Variants in CES5A observed in about 807,000 individuals in gnomAD.
CES5A encodes carboxylesterase 5A.
A neutral mutation model predicts 62.9 loss-of-function variants in CES5A; 67 were observed. That is an observed-to-expected ratio of 1.07 (90% CI 0.88 to 1.31). CES5A has a LOEUF of 1.31. Among genes scored for constraint, CES5A ranks in the 50% most tolerant of loss-of-function variants. The pLI is 0.00. For synonymous variants in CES5A, 296 were observed against 280.8 expected (o/e 1.05, Z -0.54); for missense variants, 748 against 708.5 (o/e 1.06, Z -0.63).
intron 2 of CES5A, among the ~76,000 whole-genome samples, chr16:55,872,914 C>T (rs536878905): frequency 6.6e-6 from 1 of 152,272 alleles, no homozygotes; most frequent in South Asian, 2.1e-4. Context: ...TGCGGCGTCC[C>T]CAAGCTTAAT....
intron 1 of CES5A, among the ~76,000 whole-genome samples, chr16:55,899,930 A>T (rs577430306): frequency 6.6e-5 from 10 of 152,330 alleles, no homozygotes; most frequent in African/African-American, 2.4e-4. Context: ...GTTTCAATAG[A>T]TTTCAACTAA....
At chr16:55,889,368 C>T (rs1415802435) in intron 1 of CES5A, among the ~76,000 whole-genome samples, 2 of 152,176 alleles carry the variant, frequency 1.3e-5, no homozygotes, top group Non-Finnish European at 1.5e-5. Flanking sequence ...ATGCCAGTTG[C>T]AAGTAGTAGG....
At chr16:55,883,968 A>G (rs2033787621) in intron 1 of CES5A, among the ~76,000 whole-genome samples, 1 of 152,214 alleles carries the variant, frequency 6.6e-6, no homozygotes, top group African/African-American at 2.4e-5. Flanking sequence ...GGTCATGGTG[A>G]CACTTTAGGT....
rs1190938220 is a variant in CES5A, at chr16:55,865,992, A to G, written c.676T>C (p.Ser226Pro). 2.5e-6 allele frequency: 4 copies of G among 1,613,948 alleles called. No individual in the cohort carries two copies. In the African/African-American group the frequency reaches 5.3e-5, roughly 22 times the overall value. Residue 226 changes from serine to proline, a missense_variant, in exon 5 of 13, where the codon TCC (serine) becomes CCC (proline). Physicochemically the swap from Ser to Pro is moderately conservative, Grantham distance 74. Coordinates refer to ENST00000290567, the MANE Select transcript of CES5A (RefSeq NM_001143685.2). ...CTAGAAACACTTATGGCTCCCGCGG[A>G]CTCGCCAAAGATGGTCACAGAGCTG... ...DPSSVTIFGE[S>P]AGAISVSSLI...
In CES5A at chr16:55,939,563, TA is replaced by T. The variant is rs1227573668; in HGVS notation, c.160+10221del. Among the ~76,000 whole-genome samples the T allele has an allele frequency of 2.0e-5, 3 of 152,084 alleles. No individual in the cohort carries two copies. In the East Asian group the frequency reaches 5.8e-4, roughly 29 times the overall value. On this transcript the variant is annotated intron_variant, in intron 2 of 13. Coordinates refer to the CES5A transcript ENST00000521992. ...TGACACCCTGATGTGGTCATTAACA[TA>T]AATAGAGAGCTCTAGGAGACACTGT... is the stretch of plus-strand genomic sequence containing the variant.
intron 1 of CES5A, among the ~76,000 whole-genome samples, chr16:55,890,573 A>G (rs1190417098): frequency 1.3e-5 from 2 of 152,202 alleles, no homozygotes; most frequent in African/African-American, 4.8e-5. Flanking sequence ...ACCTTATGAA[A>G]AAATAAAAAT....
intron 1 of CES5A, among the ~76,000 whole-genome samples, chr16:55,951,715 T>C (rs1324649397): frequency 6.6e-6 from 1 of 152,214 alleles, no homozygotes; most frequent in Non-Finnish European, 1.5e-5. Context: ...GGAGTATCCA[T>C]GTTGATAAAA....
At chr16:55,894,936 G>A (rs1401819448) in intron 1 of CES5A, among the ~76,000 whole-genome samples, 1 of 152,162 alleles carries the variant, frequency 6.6e-6, no homozygotes, top group East Asian at 1.9e-4. Context: ...GAGGAAAGAT[G>A]GGAAGTGAGT....
rs141265049 is a variant in CES5A, at chr16:55,872,584, T to C, written c.279-821A>G. On this transcript the variant is annotated intron_variant, in intron 2 of 12. Coordinates refer to ENST00000290567, the MANE Select transcript of CES5A (RefSeq NM_001143685.2). ...GTAAGATTAAGCAAGGCTGTAAATG[T>C]GAATGCTTCTACCATACTGTGTACG... is the stretch of plus-strand genomic sequence containing the variant. Among the ~76,000 whole-genome samples, 3 of 152,356 alleles carry C rather than the reference T, an allele frequency of 2.0e-5. No homozygotes were observed. In the East Asian group the frequency reaches 5.8e-4, roughly 29 times the overall value.
At chr16:55,851,479 A>G (rs1376520221) in intron 10 of CES5A, among the ~76,000 whole-genome samples, 1 of 152,260 alleles carries the variant, frequency 6.6e-6, no homozygotes, top group Non-Finnish European at 1.5e-5. Context: ...TATTTAAAAA[A>G]CAACAACAGA....
chr16:55,901,758 A>C (rs2033992614), intron 1 of CES5A, among the ~76,000 whole-genome samples: 1 of 152,202 alleles, frequency 6.6e-6, no homozygotes, highest in Non-Finnish European at 1.5e-5. Flanking sequence ...CTCATTTTAT[A>C]TGTAGGATTT....
At chr16:55,871,866 C>G in intron 2 of CES5A, 103 bp from the exon 3 acceptor site, 1 of 1,257,174 alleles carries the variant, frequency 8.0e-7, no homozygotes, top group Non-Finnish European at 1.1e-6. Context: ...GTCTCCTCTG[C>G]CTGAGCAGAA....
intron 4 of CES5A, among the ~76,000 whole-genome samples, chr16:55,868,448 C>A (rs146880863): frequency 2.0e-5 from 3 of 152,186 alleles, no homozygotes; most frequent in African/African-American, 7.2e-5. Flanking sequence ...ACCCCTTCTC[C>A]TCAAGCCCAA....
chr16:55,926,737 C>G (rs1171125934), upstream of CES5A, among the ~76,000 whole-genome samples: 1 of 152,168 alleles, frequency 6.6e-6, no homozygotes, highest in Non-Finnish European at 1.5e-5. Flanking sequence ...GTAGCTTTCT[C>G]TAAATATTAT....
In CES5A at chr16:55,949,697, C is replaced by A. The variant is rs2034533427; in HGVS notation, c.160+88G>T. 19 of 456,752 alleles carry A rather than the reference C, an allele frequency of 4.2e-5. 1 individual carries two copies. The South Asian group carries it at 1.2e-3, about 28-fold the overall frequency. 28.3% of individuals were successfully genotyped at this position (456,752 alleles called of 1,614,324 possible). ...AAGGGAATTCCCGGTGGAAGTATGC[C>A]ACCAATGGAACCATGGACTGTGAGT... On this transcript the variant is annotated intron_variant, in intron 2 of 13. Coordinates refer to the CES5A transcript ENST00000521992.
chr16:55,849,688 G>C lies in CES5A; in HGVS notation c.1359C>G (p.Asp453Glu). 6.2e-7 allele frequency: 1 copy of C among 1,614,008 alleles called. No homozygotes were observed. The highest frequency in any genetic ancestry group is 1.1e-5 in the South Asian group (1 of 91,068). Residue 453 changes from aspartate to glutamate, a missense_variant, in exon 11 of 13, where the codon GAC (aspartate) becomes GAG (glutamate). Transcript: ENST00000290567. ...EDTKPAFVKA[D>E]HADEVRFVFG... The stretch of plus-strand genomic sequence containing the variant: ...ACACAAAGCGGACTTCATCAGCGTG[G>C]TCGGCTTTGACAAAAGCTGGCTTCG...
Position 55,861,468 on chromosome 16 carries a change from C to T in CES5A, c.859G>A (p.Ala287Thr), listed in dbSNP as rs2033349162. Residue 287 changes from alanine (A) to threonine (T), a missense_variant, in exon 7 of 13, where the codon GCC becomes ACC. Physicochemically the swap from Ala to Thr is moderately conservative, Grantham distance 58. Transcript: ENST00000290567. The part of the protein sequence containing the change: ...FCGNNASDSE[A>T]LLRCLRTKPS... Reference sequence around the variant, plus strand: ...TTTGTCCTCAGGCACCTCAGCAGGGCCTCAGAGTCTGACGCATTGTTACCA... The same window carrying T: ...TTTGTCCTCAGGCACCTCAGCAGGGTCTCAGAGTCTGACGCATTGTTACCA... The T allele has an allele frequency of 3.7e-6, 6 of 1,614,022 alleles. No individual in the cohort carries two copies. Among genetic ancestry groups the T allele is most frequent in the Middle Eastern group, 1.6e-4 (1 of 6,062 alleles).
intron 1 of CES5A, among the ~76,000 whole-genome samples, chr16:55,895,009 G>C (rs9940636): frequency 0.13 from 20,246 of 152,124 alleles, 1,495 homozygotes; most frequent in South Asian, 0.17. Context: ...AAGACCACGT[G>C]CTTGCCAAAA....
chr16:55,876,198 CCTT>C (rs1329895473), upstream of CES5A, among the ~76,000 whole-genome samples: 1 of 152,214 alleles, frequency 6.6e-6, no homozygotes, highest in Non-Finnish European at 1.5e-5. Flanking sequence ...CAGCCCTAGA[CCTT>C]CTGTCTTCAC....
Sources: gnomAD v4.1 joint callset for allele counts (sites outside exome capture counted in the v4.1 genomes callset) on GRCh38, gnomAD v4.1.1 for gene constraint, MANE v1.5 for transcripts, NCBI Gene and HGNC (gene_info 2026-07-23, HGNC 2026-07-21) for gene names.